ARCN1: variants seen among roughly 807,000 people sequenced by gnomAD.
ARCN1 encodes coatomer subunit delta.
Under a neutral mutation model 60.4 loss-of-function variants are expected in ARCN1, and 5 were observed. The observed-to-expected ratio is 0.08, with a 90% confidence interval of 0.04 to 0.17. The LOEUF (loss-of-function observed/expected upper bound fraction) is 0.17, where lower values mean the gene tolerates loss of function less well. Ranked by LOEUF, ARCN1 falls within the 10% of genes least tolerant of loss-of-function variation. The probability of loss-of-function intolerance (pLI) is 1.00; values close to 1 mark genes in which losing one functional copy is unlikely to be tolerated. For missense variants in ARCN1, 464 were observed against 626.5 expected (o/e 0.74, Z 2.77); for synonymous variants, 224 against 220.0 (o/e 1.02, Z -0.16).
At position 118,602,275 on chromosome 11, in the gene ARCN1, T is replaced by C. The variant is rs1199934997; in HGVS notation, c.*1561T>C. On this transcript the variant is annotated 3_prime_UTR_variant, in exon 10 of 10. Coordinates refer to ENST00000264028, the MANE Select transcript of ARCN1 (RefSeq NM_001655.5). The stretch of plus-strand genomic sequence containing the variant: ...TTCCCCCTAAGTCTTTTGAGTGTCA[T>C]CATGTACTGGTGGTTTCTCGGTTCC... The C allele has an allele frequency of 6.5e-6, 1 of 154,670 alleles. No individual in the cohort carries two copies. The highest frequency in any genetic ancestry group is 1.9e-4 in the East Asian group (1 of 5,218). 9.6% of individuals were successfully genotyped at this position (154,670 alleles called of 1,614,324 possible).
intron 6 of ARCN1, among the ~76,000 whole-genome samples, 187 bp downstream of exon 6, chr11:118,590,693 T>C (rs566500800): frequency 2.0e-5 from 3 of 152,340 alleles, no homozygotes; most frequent in South Asian, 2.1e-4. Context: ...AAAGCAGCTG[T>C]GTAAGGATGG....
rs782261184 is a variant in ARCN1 at position 118,597,688 on chromosome 11, A to G, written c.1242-19A>G. 35 of 1,612,934 alleles carry G rather than the reference A, an allele frequency of 2.2e-5. No homozygotes were observed. Among genetic ancestry groups the G allele is most frequent in the Middle Eastern group, 1.7e-4 (1 of 5,822 alleles). On this transcript the variant is annotated intron_variant, in intron 8 of 9. Transcript: ENST00000264028. ...CTAGCTCTGAACAGCTACCTTGACC[A>G]GAATGTTTCTCACAACAGGTCTGGT...
chr11:118,590,299 GT>G, intron 5 of ARCN1, 41 bp from the exon 6 acceptor site: 1 of 1,575,448 alleles, frequency 6.3e-7, no homozygotes, highest in Non-Finnish European at 8.7e-7. Flanking sequence ...CCGGCCATTG[GT>G]TTCTACCTTT....
Position 118,600,650 on chromosome 11 carries a change from G to C in ARCN1, c.1472G>C (p.Gly491Ala). 3.7e-6 allele frequency: 6 copies of C among 1,612,180 alleles called. No individual in the cohort carries two copies. The highest frequency in any genetic ancestry group is 4.2e-6 in the Non-Finnish European group (5 of 1,179,210). ...IQVTKVTQVD[G>A]NSPVRFSTET... ...GTTACCAAAGTGACCCAGGTAGATG[G>C]AAACAGCCCCGTCAGGTTTTCCACA... is the stretch of plus-strand genomic sequence containing the variant. The change falls in exon 10 of 10, where the codon GGA becomes GCA. Residue 491 changes from glycine (G) to alanine (A), a missense_variant. By Grantham distance (60) the Gly-to-Ala change is moderately conservative. Coordinates refer to ENST00000264028, the MANE Select transcript of ARCN1 (RefSeq NM_001655.5).
intron 2 of ARCN1, among the ~76,000 whole-genome samples, chr11:118,582,833 G>C (rs2135541561): frequency 6.6e-6 from 1 of 151,788 alleles, no homozygotes; most frequent in East Asian, 2.0e-4. Flanking sequence ...CTGAGGTCAG[G>C]AGTTCAACAC....
intron 8 of ARCN1, among the ~76,000 whole-genome samples, chr11:118,597,216 T>G (rs1555077321): frequency 6.6e-6 from 1 of 152,096 alleles, no homozygotes; most frequent in Non-Finnish European, 1.5e-5. Flanking sequence ...AAAAAACAAA[T>G]GAACAAGAAA....
intron 1 of ARCN1, among the ~76,000 whole-genome samples, chr11:118,578,832 C>T (rs1303218305): frequency 6.7e-6 from 1 of 148,488 alleles, no homozygotes; most frequent in Admixed American, 6.7e-5. Flanking sequence ...CACTTTAGCC[C>T]AGGAATTTGT....
At chr11:118,580,249 C>T (rs1232989188) in intron 1 of ARCN1, among the ~76,000 whole-genome samples, 1 of 152,042 alleles carries the variant, frequency 6.6e-6, no homozygotes, top group East Asian at 1.9e-4. Context: ...TGTTCAAGCC[C>T]AGAAGTTGAG....
At chr11:118,598,290 C>T (rs186449361) in intron 9 of ARCN1, among the ~76,000 whole-genome samples, 1 of 151,392 alleles carries the variant, frequency 6.6e-6, no homozygotes, top group Non-Finnish European at 1.5e-5. Flanking sequence ...TTGATTTATA[C>T]CCAAAGAATG....
At chr11:118,600,252 T>A (rs1555077907) in intron 9 of ARCN1, among the ~76,000 whole-genome samples, 1 of 152,224 alleles carries the variant, frequency 6.6e-6, no homozygotes, top group East Asian at 1.9e-4. Context: ...AAATGAATAA[T>A]GTGAAGAGCT....
In ARCN1 at chr11:118,600,682, A is replaced by T. The variant is rs782569741; in HGVS notation, c.1504A>T (p.Thr502Ser). The change falls in exon 10 of 10, where the codon ACT becomes TCT. Residue 502 changes from threonine (T) to serine (S), a missense_variant. Physicochemically the swap from Thr to Ser is moderately conservative, Grantham distance 58 (BLOSUM62 1). Coordinates refer to ENST00000264028, the MANE Select transcript of ARCN1 (RefSeq NM_001655.5). ...NSPVRFSTET[T>S]FLVDKYEIL Reference sequence around the variant, plus strand: ...CCCCGTCAGGTTTTCCACAGAGACCACTTTCCTAGTGGATAAGTATGAAAT... The same window carrying T: ...CCCCGTCAGGTTTTCCACAGAGACCTCTTTCCTAGTGGATAAGTATGAAAT... 1.2e-6 allele frequency: 2 copies of T among 1,612,274 alleles called. No individual in the cohort carries two copies. The highest frequency in any genetic ancestry group is 1.1e-5 in the South Asian group (1 of 90,750).
intron 8 of ARCN1, chr11:118,593,920 G>T: frequency 2.7e-6 from 1 of 376,852 alleles, no homozygotes; most frequent in Non-Finnish European, 5.0e-6. Flanking sequence ...AGGAGGTAGA[G>T]AAGAAGGTAC....
At chr11:118,587,705 T>C (rs1486306989) in intron 5 of ARCN1, among the ~76,000 whole-genome samples, 1 of 152,218 alleles carries the variant, frequency 6.6e-6, no homozygotes, top group Non-Finnish European at 1.5e-5. Flanking sequence ...ATTCTGATGC[T>C]ATCTACCTGG....
intron 1 of ARCN1, among the ~76,000 whole-genome samples, chr11:118,579,186 G>T (rs1037867118): frequency 6.6e-6 from 1 of 151,928 alleles, no homozygotes. Context: ...CTAGAAAATA[G>T]ATTTTCTCAC....
rs142087997 is a variant in ARCN1, at chr11:118,583,899, G to A, written c.538G>A (p.Ala180Thr). 3.1e-5 allele frequency: 50 copies of A among 1,614,102 alleles called. No homozygotes were observed. The highest frequency in any genetic ancestry group is 4.2e-5 in the Non-Finnish European group (50 of 1,180,038). ...AGATGCAGAGAGACAGGGCAAAAAA[G>A]CACCAGGATTTGGCGGATTTGGCAG... ...RRDAERQGKK[A>T]PGFGGFGSSA... The change falls in exon 4 of 10, where the codon GCA (alanine) becomes ACA (threonine). Residue 180 changes from alanine to threonine, a missense_variant. This residue lies in a region of ARCN1 where 359 missense variants were observed against 440.2 expected (regional missense o/e 0.82). Transcript: ENST00000264028.
At chr11:118,576,666 A>G (rs1555073707) in intron 1 of ARCN1, among the ~76,000 whole-genome samples, 2 of 152,194 alleles carry the variant, frequency 1.3e-5, no homozygotes, top group Non-Finnish European at 2.9e-5. Context: ...AGAGGTGACC[A>G]TACCTTCTAG....
intron 2 of ARCN1, 79 bp from the exon 3 acceptor site, chr11:118,583,100 G>A: frequency 1.4e-6 from 2 of 1,460,504 alleles, no homozygotes; most frequent in South Asian, 1.2e-5. Flanking sequence ...TGAAATTTAT[G>A]TACTCTAAAG....
rs1240044404 is a variant in ARCN1, at chr11:118,572,758, C to T, written c.3+208C>T. On this transcript the variant is annotated intron_variant, in intron 1 of 9. Coordinates refer to ENST00000264028, the MANE Select transcript of ARCN1 (RefSeq NM_001655.5). ...GACTCCAGTCCATCTGTCGTCGTGC[C>T]CGCTTCCGCACCACCCCCCAACCAG... 15 of 521,490 alleles carry T rather than the reference C, an allele frequency of 2.9e-5. 1 individual carries two copies. The South Asian group carries it at 4.4e-4, about 15-fold the overall frequency. 32.3% of individuals were successfully genotyped at this position (521,490 alleles called of 1,614,324 possible).
At chr11:118,579,397 G>A (rs1421272039) in intron 1 of ARCN1, among the ~76,000 whole-genome samples, 1 of 151,874 alleles carries the variant, frequency 6.6e-6, no homozygotes, top group Non-Finnish European at 1.5e-5. Context: ...AAATAGGCCG[G>A]GCGGTGGCTC....
Sources: allele counts gnomAD v4.1 joint callset (sites outside exome capture counted in the v4.1 genomes callset), GRCh38; gene constraint gnomAD v4.1.1; regional missense constraint gnomAD v4.1.1; transcripts MANE v1.5; gene names NCBI Gene and HGNC (gene_info 2026-07-23, HGNC 2026-07-21).